Variants in ZNF415 observed in about 807,000 individuals in gnomAD.
The protein encoded by ZNF415 is zinc finger protein 415.
ZNF415 carries 5 observed loss-of-function variants against 7.3 expected under a neutral mutation model. The ratio of observed to expected loss-of-function variants is 0.69; its 90% CI spans 0.36 to 1.44. ZNF415 has a LOEUF of 1.44. Among genes scored for constraint, ZNF415 ranks in the 40% most tolerant of loss-of-function variants. The pLI is 0.04. For missense variants in ZNF415, 628 were observed against 664.8 expected (o/e 0.94, Z 0.61); for synonymous variants, 207 against 226.3 (o/e 0.91, Z 0.77).
chr19:53,128,621 G>A (rs112544766), intron 1 of ZNF415, among the ~76,000 whole-genome samples: 289 of 98,696 alleles, frequency 2.9e-3, no homozygotes, highest in East Asian at 5.5e-3. Flanking sequence ...TGGAAGACCC[G>A]GGAGCTGGAG....
intron 1 of ZNF415, among the ~76,000 whole-genome samples, chr19:53,130,895 C>T (rs1042284372): frequency 6.6e-6 from 1 of 151,998 alleles, no homozygotes; most frequent in Non-Finnish European, 1.5e-5. Context: ...TCACCCACCT[C>T]GGCCTCCCAA....
At chr19:53,124,076 A>C (rs905044251) in intron 1 of ZNF415, 3 of 152,128 alleles carry the variant, frequency 2.0e-5, no homozygotes, top group Admixed American at 2.0e-4. Flanking sequence ...CATCTCTACT[A>C]AAAATACAAA....
chr19:53,129,278 C>T (rs1252971487), intron 1 of ZNF415, among the ~76,000 whole-genome samples: 1 of 152,116 alleles, frequency 6.6e-6, no homozygotes, highest in Non-Finnish European at 1.5e-5. Context: ...GGACACAGGG[C>T]TGTGGAGCCA....
intron 3 of ZNF415, 70 bp from the exon 4 acceptor site, chr19:53,109,978 C>T: frequency 1.6e-6 from 2 of 1,254,160 alleles, no homozygotes; most frequent in Non-Finnish European, 2.2e-6. Context: ...TACTGAATAA[C>T]AGAATTACAC....
chr19:53,130,792 C>T (rs962721305), intron 1 of ZNF415, among the ~76,000 whole-genome samples: 9 of 152,062 alleles, frequency 5.9e-5, no homozygotes, highest in Middle Eastern at 6.8e-3. Context: ...ATTACAGATG[C>T]GTGTCACCAT....
rs144643865 is a variant in ZNF415, at chr19:53,109,381, C to T, written c.664G>A (p.Asp222Asn). The part of the protein sequence containing the change: ...REKPYRYIEC[D>N]KALNHGSHMT... ...TGTGAGCCATGATTCAAGGCTTTGT[C>T]GCACTCAATATATCTGTAAGGTTTT... is the stretch of plus-strand genomic sequence containing the variant. Residue 222 changes from aspartate (D) to asparagine (N), a missense_variant, in exon 4 of 4, where the codon GAC (aspartate) becomes AAC (asparagine). Coordinates refer to ENST00000243643, the MANE Select transcript of ZNF415 (RefSeq NM_018355.4). 135 of 1,614,096 alleles carry T rather than the reference C, an allele frequency of 8.4e-5. No homozygotes were observed. Among genetic ancestry groups the T allele is most frequent in the South Asian group, 2.7e-4 (25 of 91,070 alleles).
chr19:53,111,816 A>G (rs1260966711), intron 3 of ZNF415, among the ~76,000 whole-genome samples: 1 of 152,240 alleles, frequency 6.6e-6, no homozygotes, highest in African/African-American at 2.4e-5. Flanking sequence ...AAAACTTTCA[A>G]GTAAATTGTT....
intron 3 of ZNF415, chr19:53,115,928 G>A (rs768411270): frequency 2.1e-5 from 17 of 801,676 alleles, no homozygotes; most frequent in Non-Finnish European, 3.4e-5. Flanking sequence ...GATGGATCTA[G>A]GAAAATATTT....
chr19:53,126,629 GGAA>G (rs2089182183), intron 1 of ZNF415, among the ~76,000 whole-genome samples: 1 of 130,166 alleles, frequency 7.7e-6, no homozygotes, highest in South Asian at 2.5e-4. Flanking sequence ...ACCCGCCTAG[GGAA>G]GCATTAGTTT....
At chr19:53,115,791 G>A in intron 3 of ZNF415, 2 of 1,550,288 alleles carry the variant, frequency 1.3e-6, no homozygotes, top group Non-Finnish European at 1.7e-6. Flanking sequence ...TCTTTCCTGT[G>A]CTCCCACATA....
rs752949963 is a variant in ZNF415, at chr19:53,108,830, A to G, written c.1215T>C (p.Ile405=). The G allele has an allele frequency of 1.2e-6, 2 of 1,614,060 alleles. No homozygotes were observed. Among genetic ancestry groups the G allele is most frequent in the East Asian group, 4.5e-5 (2 of 44,880 alleles). ...QTSSLARHWR[I]HTGEKPYKCN... ...ATTTGTAAGGTTTCTCTCCAGTATG[A>G]ATTCTCCAATGCCTTGCAAGGCTTG... The change falls in exon 4 of 4, where the codon ATT becomes ATC. Residue 405 remains isoleucine, a synonymous_variant. Coordinates refer to ENST00000243643, the MANE Select transcript of ZNF415 (RefSeq NM_018355.4).
At chr19:53,122,544 G>T in intron 2 of ZNF415, 118 bp downstream of exon 2, 2 of 1,600,466 alleles carry the variant, frequency 1.2e-6, no homozygotes, top group South Asian at 1.1e-5. Context: ...GGGTCAATGT[G>T]AGCAAACGCG....
chr19:53,113,506 C>CAAAA lies in ZNF415; in HGVS notation c.136+2803_136+2806dup, dbSNP rs1176054018. 3.2e-5 allele frequency among the ~76,000 whole-genome samples: 2 copies of CAAAA among 62,146 alleles called. 1 individual carries two copies. The highest frequency in any genetic ancestry group is 7.1e-5 in the Non-Finnish European group (2 of 28,006). The allele number at this position is 62,146 out of a possible 152,430, so 40.8% of individuals were successfully genotyped here. On this transcript the variant is annotated intron_variant, in intron 3 of 3. Transcript: ENST00000243643. ...TGGGCGACAGAGCGAAACTCCGTCT[C>CAAAA]AAAAAAAAAAAAAAAAAAAAAAAAA... is the stretch of plus-strand genomic sequence containing the variant.
chr19:53,117,470 T>TAA (rs940773985), intron 2 of ZNF415, among the ~76,000 whole-genome samples: 2 of 148,272 alleles, frequency 1.3e-5, no homozygotes, highest in East Asian at 2.0e-4. Flanking sequence ...AAGAGAATTC[T>TAA]AAAAAAAAAC....
intron 3 of ZNF415, among the ~76,000 whole-genome samples, 160 bp from the exon 4 acceptor site, chr19:53,110,068 C>T (rs2086013769): frequency 8.2e-6 from 1 of 121,982 alleles, no homozygotes; most frequent in African/African-American, 3.0e-5. Context: ...AAAGGAATCA[C>T]ATTCTTTAGT....
chr19:53,123,595 A>G (rs1187025880), intron 1 of ZNF415: 3 of 398,882 alleles, frequency 7.5e-6, no homozygotes, highest in Non-Finnish European at 1.3e-5. Flanking sequence ...GGAAGGACGC[A>G]TGCTTGGCTG....
Position 53,116,330 on chromosome 19 carries a change from C to T in ZNF415, c.119G>A (p.Arg40Lys), listed in dbSNP as rs769839217. ...ATCCTCACCCAGGGAGACCAGGTTCCTGTAGTTCTCCAACATCACATCCCT... is the reference window on the plus strand; with the variant it reads ...ATCCTCACCCAGGGAGACCAGGTTCTTGTAGTTCTCCAACATCACATCCCT... Reference protein sequence around the residue: ...LYRDVMLENYRNLVSLDLSRN... With the variant: ...LYRDVMLENYKNLVSLDLSRN... Residue 40 changes from arginine to lysine, a missense_variant, in exon 3 of 4, where the codon AGG becomes AAG. Coordinates refer to ENST00000243643, the MANE Select transcript of ZNF415 (RefSeq NM_018355.4). The T allele has an allele frequency of 1.9e-6, 3 of 1,611,016 alleles. No homozygotes were observed. The highest frequency in any genetic ancestry group is 1.3e-5 in the African/African-American group (1 of 74,694).
intron 1 of ZNF415, chr19:53,123,430 G>GTGGGTCAC (rs201712269): frequency 0.01 from 4,157 of 398,244 alleles, 151 homozygotes; most frequent in African/African-American, 0.07. Context: ...GAAATGGGAA[G>GTGGGTCAC]TGGGTCACAG....
chr19:53,115,536 A>G (rs2086888054), intron 3 of ZNF415, among the ~76,000 whole-genome samples: 1 of 152,138 alleles, frequency 6.6e-6, no homozygotes, highest in Non-Finnish European at 1.5e-5. Context: ...AAAAGGATCA[A>G]CTATGACACG....
Sources: gnomAD v4.1 joint callset for allele counts (sites outside exome capture counted in the v4.1 genomes callset) on GRCh38, gnomAD v4.1.1 for gene constraint, MANE v1.5 for transcripts, NCBI Gene and HGNC (gene_info 2026-07-23, HGNC 2026-07-21) for gene names.